Variants in FAT3 observed in about 807,000 individuals in gnomAD.
FAT3 encodes FAT atypical cadherin 3, also known as protocadherin Fat 3.
In FAT3, 95 loss-of-function variants were observed where a neutral mutation model predicts 310.2. That is an observed-to-expected ratio of 0.31 (90% confidence interval 0.26 to 0.36). The LOEUF (loss-of-function observed/expected upper bound fraction) is 0.36, where lower values mean the gene tolerates loss of function less well. Ranked by LOEUF, FAT3 falls within the 10% of genes least tolerant of loss-of-function variation. The pLI, the probability that FAT3 is intolerant of heterozygous loss-of-function variation, is 1.00. For synonymous variants in FAT3, 2,314 were observed against 2,192.9 expected (o/e 1.06, Z -1.54); for missense variants, 5,408 against 5,715.6 (o/e 0.95, Z 1.74).
At chr11:92,507,762 T>C (rs1334357951) in intron 2 of FAT3, among the ~76,000 whole-genome samples, 4 of 151,952 alleles carry the variant, frequency 2.6e-5, no homozygotes, top group East Asian at 1.9e-4. Flanking sequence ...CCTATATATA[T>C]ACACACATAT....
intron 4 of FAT3, among the ~76,000 whole-genome samples, chr11:92,732,037 C>A (rs1945197865): frequency 6.6e-6 from 1 of 152,132 alleles, no homozygotes; most frequent in African/African-American, 2.4e-5. Context: ...ACTCTGTATT[C>A]TAACTTCTGT....
At chr11:92,784,024 A>G (rs1377024014) in intron 7 of FAT3, among the ~76,000 whole-genome samples, 2 of 152,224 alleles carry the variant, frequency 1.3e-5, no homozygotes, top group South Asian at 2.1e-4. Flanking sequence ...AAATGTTAAC[A>G]TGCATTTACT....
At chr11:92,821,510 G>A (rs1280775791) in intron 13 of FAT3, among the ~76,000 whole-genome samples, 1 of 152,140 alleles carries the variant, frequency 6.6e-6, no homozygotes, top group Non-Finnish European at 1.5e-5. Context: ...GTGGCTAAGG[G>A]ACTATTAAAA....
chr11:92,433,823 A>G (rs1950858427), intron 2 of FAT3, among the ~76,000 whole-genome samples: 2 of 151,756 alleles, frequency 1.3e-5, no homozygotes, highest in Admixed American at 1.3e-4. Context: ...ATTCTGGTTA[A>G]CATGGTGAAA....
At chr11:92,368,833 C>CATATATATATAT (rs778237959) in intron 2 of FAT3, among the ~76,000 whole-genome samples, 7,692 of 140,808 alleles carry the variant, frequency 0.055, 243 homozygotes, top group African/African-American at 0.074. Flanking sequence ...TGTGTGTATA[C>CATATATATATAT]ATATATATAT....
intron 3 of FAT3, among the ~76,000 whole-genome samples, chr11:92,569,763 A>G (rs1314986123): frequency 1.3e-5 from 2 of 152,128 alleles, no homozygotes; most frequent in Admixed American, 6.5e-5. Context: ...ATCATTTTGC[A>G]TATTTAGTAG....
intron 3 of FAT3, among the ~76,000 whole-genome samples, chr11:92,541,779 G>A (rs1954456644): frequency 6.6e-6 from 1 of 152,058 alleles, no homozygotes; most frequent in Admixed American, 6.6e-5. Context: ...TTGATATGTG[G>A]GGGGAGAAAG....
chr11:92,674,001 T>G (rs1943210072), intron 3 of FAT3, among the ~76,000 whole-genome samples: 1 of 151,932 alleles, frequency 6.6e-6, no homozygotes, highest in African/African-American at 2.4e-5. Context: ...GCCAACATGG[T>G]GAAACCATGT....
At chr11:92,783,223 T>G (rs1348576246) in intron 7 of FAT3, among the ~76,000 whole-genome samples, 1 of 151,190 alleles carries the variant, frequency 6.6e-6, no homozygotes, top group Non-Finnish European at 1.5e-5. Context: ...CTGGGTGTGG[T>G]GGAATGCGCC....
intron 3 of FAT3, among the ~76,000 whole-genome samples, chr11:92,638,230 AGGCATGTATAT>A (rs1253762733): frequency 1.3e-5 from 2 of 152,232 alleles, no homozygotes; most frequent in African/African-American, 4.8e-5. Context: ...GAGAGCAGAC[AGGCATGTATAT>A]GCAAGTATGT....
Position 92,524,793 on chromosome 11 carries a change from C to A in FAT3, c.3452C>A (p.Pro1151His). The part of the protein sequence containing the change: ...VNDNAPLTSE[P>H]IYYPVVMENS... ...GACAATGCCCCGCTGACCTCAGAACCTATATATTATCCTGTTGTCATGGAA... is the reference window on the plus strand; with the variant it reads ...GACAATGCCCCGCTGACCTCAGAACATATATATTATCCTGTTGTCATGGAA... The change falls in exon 3 of 28, where the codon CCT (proline) becomes CAT (histidine). Residue 1151 changes from proline to histidine, a missense_variant. Pro to His is a moderately conservative substitution (Grantham distance 77, BLOSUM62 -2). This residue lies in a region of FAT3 where 4,588 missense variants were observed against 4,809.8 expected (regional missense o/e 0.95). Transcript: ENST00000525166. The A allele has an allele frequency of 6.2e-7, 1 of 1,613,764 alleles. No individual in the cohort carries two copies. Among genetic ancestry groups the A allele is most frequent in the Non-Finnish European group, 8.5e-7 (1 of 1,179,824 alleles).
intron 1 of FAT3, among the ~76,000 whole-genome samples, chr11:92,226,215 T>C (rs1292489885): frequency 6.6e-6 from 1 of 152,120 alleles, no homozygotes; most frequent in African/African-American, 2.4e-5. Flanking sequence ...TGAGCTAAAG[T>C]GCATCTGGCC....
At chr11:92,464,395 C>T (rs1424890375) in intron 2 of FAT3, among the ~76,000 whole-genome samples, 1 of 152,188 alleles carries the variant, frequency 6.6e-6, no homozygotes, top group Non-Finnish European at 1.5e-5. Context: ...TCATATTTCC[C>T]CTGCCTTTAA....
intron 3 of FAT3, among the ~76,000 whole-genome samples, chr11:92,682,031 A>G (rs973931381): frequency 2.0e-5 from 3 of 152,222 alleles, no homozygotes; most frequent in African/African-American, 7.2e-5. Flanking sequence ...AGAAATAGTG[A>G]AAGATAAAAT....
At chr11:92,583,198 TTCCCATTAAGGGAGGGGACTTGGA>T (rs1364843358) in intron 3 of FAT3, among the ~76,000 whole-genome samples, 1 of 152,104 alleles carries the variant, frequency 6.6e-6, no homozygotes, top group Non-Finnish European at 1.5e-5. Context: ...ACACAGACCT[TTCCCATTAAGGGAGGGGACTTGGA>T]ATATTGTCTT....
At chr11:92,735,986 C>T (rs996715766) in intron 4 of FAT3, among the ~76,000 whole-genome samples, 3 of 152,078 alleles carry the variant, frequency 2.0e-5, no homozygotes, top group Non-Finnish European at 2.9e-5. Context: ...CAAGGTTGTA[C>T]AGCTCAGAAG....
intron 3 of FAT3, among the ~76,000 whole-genome samples, chr11:92,566,757 T>C (rs1174593831): frequency 6.6e-6 from 1 of 152,128 alleles, no homozygotes; most frequent in African/African-American, 2.4e-5. Flanking sequence ...ATCTGATCTT[T>C]GACAAACCTG....
At chr11:92,439,915 CAAAA>C (rs1460408820) in intron 2 of FAT3, among the ~76,000 whole-genome samples, 1 of 142,538 alleles carries the variant, frequency 7.0e-6, no homozygotes, top group Admixed American at 7.1e-5. Context: ...GACCCTGTCT[CAAAA>C]AGAAAGAAAA....
intron 3 of FAT3, among the ~76,000 whole-genome samples, chr11:92,571,752 G>T (rs1484887466): frequency 6.6e-6 from 1 of 151,958 alleles, no homozygotes; most frequent in Non-Finnish European, 1.5e-5. Flanking sequence ...TTCTTTCCTG[G>T]TTCTTAGTTT....
Sources: allele counts gnomAD v4.1 joint callset (sites outside exome capture counted in the v4.1 genomes callset), GRCh38; gene constraint gnomAD v4.1.1; regional missense constraint gnomAD v4.1.1; transcripts MANE v1.5; gene names NCBI Gene and HGNC (gene_info 2026-07-23, HGNC 2026-07-21).